The following MANSC1 variants were observed in gnomAD, a reference collection of about 807,000 sequenced individuals.
MANSC1 encodes the protein MANSC domain-containing protein 1.
MANSC1 carries 13 observed loss-of-function variants against 14.1 expected under a neutral mutation model. That is an observed-to-expected ratio of 0.92 (90% CI 0.60 to 1.46). MANSC1 has a LOEUF of 1.46. Ranked by LOEUF, MANSC1 falls within the 40% of genes most tolerant of loss-of-function variation. The pLI, the probability that MANSC1 is intolerant of heterozygous loss-of-function variation, is 0.00. For synonymous variants in MANSC1, 227 were observed against 200.7 expected (o/e 1.13, Z -1.11); for missense variants, 486 against 511.4 (o/e 0.95, Z 0.48).
In MANSC1 at chr12:12,332,873, A is replaced by G. The variant is rs896617898; in HGVS notation, c.365-1915T>C. Among the ~76,000 whole-genome samples the G allele has an allele frequency of 4.6e-5, 7 of 152,186 alleles. No homozygotes were observed. In the South Asian group the frequency reaches 6.2e-4, roughly 14 times the overall value. On this transcript the variant is annotated intron_variant, in intron 3 of 3. Coordinates refer to ENST00000535902, the MANE Select transcript of MANSC1 (RefSeq NM_018050.4). ...AAAATAATCAAAAGAAAATTGTGTG[A>G]CACAGGAAAGGTATACAAAATTCAA...
intron 3 of MANSC1, among the ~76,000 whole-genome samples, chr12:12,333,589 C>T (rs1862820465): frequency 2.0e-5 from 3 of 152,210 alleles, no homozygotes; most frequent in Non-Finnish European, 4.4e-5. Context: ...CCATTCGCCT[C>T]ACCCACTCAT....
intron 1 of MANSC1, among the ~76,000 whole-genome samples, chr12:12,347,750 C>T (rs1863027171): frequency 1.3e-5 from 2 of 152,186 alleles, no homozygotes; most frequent in African/African-American, 4.8e-5. Flanking sequence ...ATACCAAATA[C>T]AAGGACATGG....
chr12:12,336,012 A>G (rs61922042), intron 3 of MANSC1, among the ~76,000 whole-genome samples: 32,394 of 151,916 alleles, frequency 0.21, 3,643 homozygotes, highest in East Asian at 0.3. Flanking sequence ...GTGAAACCCT[A>G]TCTCTACTAA....
At chr12:12,345,462 A>AGTCT (rs1312862460) in intron 1 of MANSC1, among the ~76,000 whole-genome samples, 1 of 152,154 alleles carries the variant, frequency 6.6e-6, no homozygotes, top group African/African-American at 2.4e-5. Flanking sequence ...TTAGCCAGTC[A>AGTCT]GCAGGAGGAA....
chr12:12,337,190 T>C (rs543664147), intron 3 of MANSC1, among the ~76,000 whole-genome samples: 20 of 151,874 alleles, frequency 1.3e-4, no homozygotes, highest in African/African-American at 4.4e-4. Flanking sequence ...GGCATGAGAA[T>C]TGCTTGAAGC....
rs1565799598 is a variant in MANSC1, at chr12:12,338,498, A to G, written c.286T>C (p.Tyr96His). The change falls in exon 3 of 4, where the codon TAC becomes CAC. Residue 96 changes from tyrosine (Y) to histidine (H), a missense_variant. Coordinates refer to ENST00000535902, the MANE Select transcript of MANSC1 (RefSeq NM_018050.4). ...TRKTARQPNC[Y>H]LFFCPNEEAC... ...TCCTCGTTGGGACAGAAAAATAGGT[A>G]GCAGTTGGGTTGTCTAGCTGTTTTT... is the stretch of plus-strand genomic sequence containing the variant. The G allele has an allele frequency of 6.2e-7, 1 of 1,613,748 alleles. No homozygotes were observed. The highest frequency in any genetic ancestry group is 8.5e-7 in the Non-Finnish European group (1 of 1,179,854).
Position 12,329,507 on chromosome 12 carries a change from T to C in MANSC1, c.*520A>G, listed in dbSNP as rs1862752226. ...ATACTTTATTACTTTACATAGAGCTTTGTTTTTAGCTAATATTTTAGAGAC... is the reference window on the plus strand; with the variant it reads ...ATACTTTATTACTTTACATAGAGCTCTGTTTTTAGCTAATATTTTAGAGAC... On this transcript the variant is annotated 3_prime_UTR_variant, in exon 4 of 4. Coordinates refer to ENST00000535902, the MANE Select transcript of MANSC1 (RefSeq NM_018050.4). The C allele has an allele frequency of 6.5e-6, 1 of 153,068 alleles. No homozygotes were observed. Among genetic ancestry groups the C allele is most frequent in the Non-Finnish European group, 1.5e-5 (1 of 68,680 alleles). The allele number at this position is 153,068 out of a possible 1,614,324, so 9.5% of individuals were successfully genotyped here.
intron 2 of MANSC1, among the ~76,000 whole-genome samples, chr12:12,339,512 C>A (rs1386941510): frequency 6.6e-6 from 1 of 152,030 alleles, no homozygotes; most frequent in Non-Finnish European, 1.5e-5. Flanking sequence ...AAGCTGTTTG[C>A]CCTAGTTGGC....
intron 3 of MANSC1, among the ~76,000 whole-genome samples, chr12:12,334,811 C>G (rs547991374): frequency 1.3e-5 from 2 of 152,282 alleles, no homozygotes; most frequent in South Asian, 4.1e-4. Context: ...CAATTATTTA[C>G]ACAATACTCT....
At position 12,330,512 on chromosome 12, in the gene MANSC1, C is replaced by T; in HGVS notation, c.811G>A (p.Val271Ile). The T allele has an allele frequency of 6.2e-7, 1 of 1,614,118 alleles. No homozygotes were observed. The highest frequency in any genetic ancestry group is 8.5e-7 in the Non-Finnish European group (1 of 1,180,032). ...QPQLATTAPPVTTVTSQPPTT... is the reference protein window; with the variant it reads ...QPQLATTAPPITTVTSQPPTT... Reference sequence around the variant, plus strand: ...GGAGGCTGAGAAGTGACAGTGGTTACAGGTGGAGCTGTGGTGGCCAGCTGT... The same window carrying T: ...GGAGGCTGAGAAGTGACAGTGGTTATAGGTGGAGCTGTGGTGGCCAGCTGT... The change falls in exon 4 of 4, where the codon GTA becomes ATA. Residue 271 changes from valine to isoleucine, a missense_variant. Transcript: ENST00000535902.
intron 1 of MANSC1, among the ~76,000 whole-genome samples, chr12:12,344,001 G>A (rs56829405): frequency 0.098 from 14,812 of 151,736 alleles, 749 homozygotes; most frequent in Non-Finnish European, 0.12. Context: ...TGGTCCCAGC[G>A]ACTTGGGAGG....
In MANSC1 at chr12:12,326,098, G is replaced by A. The variant is rs1485570398; in HGVS notation, c.*3929C>T. 1 of 152,150 alleles carries A rather than the reference G, an allele frequency of 6.6e-6. No individual in the cohort carries two copies. Among genetic ancestry groups the A allele is most frequent in the African/African-American group, 2.4e-5 (1 of 41,440 alleles). The allele number at this position is 152,150 out of a possible 1,614,324, so 9.4% of individuals were successfully genotyped here. A position where few individuals can be genotyped will look rare whatever the true frequency, so the allele number is the denominator to read the frequency against. ...TTAGAGATTTATTATTACAGAACAA[G>A]ATGGAAGTTGGCAGTTCCAGGGTTT... On this transcript the variant is annotated 3_prime_UTR_variant, in exon 4 of 4. Transcript: ENST00000535902.
chr12:12,334,859 T>G (rs566581278), intron 3 of MANSC1, among the ~76,000 whole-genome samples: 19 of 152,286 alleles, frequency 1.2e-4, no homozygotes, highest in African/African-American at 4.3e-4. Flanking sequence ...GTTTGACCCA[T>G]CAGGCTTCCC....
rs1862695695 is a variant in MANSC1 at position 12,326,106 on chromosome 12, T to C, written c.*3921A>G. The C allele has an allele frequency of 2.0e-5, 3 of 152,132 alleles. No individual in the cohort carries two copies. In the South Asian group the frequency reaches 6.2e-4, roughly 31 times the overall value. 9.4% of individuals were successfully genotyped at this position (152,132 alleles called of 1,614,324 possible). A position where few individuals can be genotyped will look rare whatever the true frequency, so the allele number is the denominator to read the frequency against. On this transcript the variant is annotated 3_prime_UTR_variant, in exon 4 of 4. Transcript: ENST00000535902. ...TTATTATTACAGAACAAGATGGAAG[T>C]TGGCAGTTCCAGGGTTTGTCCTGTC...
In MANSC1 at chr12:12,330,875, C is replaced by G; in HGVS notation, c.448G>C (p.Val150Leu). The change falls in exon 4 of 4, where the codon GTC becomes CTC. Residue 150 changes from valine (V) to leucine (L), a missense_variant. Val to Leu is a conservative substitution (Grantham distance 32). Coordinates refer to ENST00000535902, the MANE Select transcript of MANSC1 (RefSeq NM_018050.4). ...SLLHGQFSQA[V>L]TPLAHHHTDY... ...GTGTGATGATGGGCTAGGGGAGTGA[C>G]TGCTTGTGAAAATTGGCCATGTAAG... is the stretch of plus-strand genomic sequence containing the variant. 1 of 1,613,786 alleles carries G rather than the reference C, an allele frequency of 6.2e-7. No individual in the cohort carries two copies. The highest frequency in any genetic ancestry group is 1.3e-5 in the African/African-American group (1 of 75,014).
chr12:12,349,475 G>T (rs917412477), intron 1 of MANSC1, among the ~76,000 whole-genome samples: 17 of 152,162 alleles, frequency 1.1e-4, no homozygotes, highest in Admixed American at 6.5e-4. Flanking sequence ...GGTTAGCGAC[G>T]TTTTCTAATC....
Position 12,343,331 on chromosome 12 carries a change from G to C in MANSC1, c.-17C>G, listed in dbSNP as rs781632400. 2 of 1,595,288 alleles carry C rather than the reference G, an allele frequency of 1.3e-6. No homozygotes were observed. The highest frequency in any genetic ancestry group is 2.7e-5 in the African/African-American group (2 of 74,544). ...GAAGAACATTTTAAATTTCAGTTTA[G>C]TTTTGGTCTTCAAAGGTCAAGGATA... On this transcript the variant is annotated 5_prime_UTR_variant, in exon 2 of 4. Coordinates refer to ENST00000535902, the MANE Select transcript of MANSC1 (RefSeq NM_018050.4).
At chr12:12,346,257 C>G (rs1034884664) in intron 1 of MANSC1, among the ~76,000 whole-genome samples, 2 of 150,758 alleles carry the variant, frequency 1.3e-5, no homozygotes, top group South Asian at 2.1e-4. Context: ...GGCGACAGAG[C>G]GAGACTCCGT....
At chr12:12,340,286 G>A (rs1182168479) in intron 2 of MANSC1, among the ~76,000 whole-genome samples, 1 of 152,122 alleles carries the variant, frequency 6.6e-6, no homozygotes, top group Non-Finnish European at 1.5e-5. Context: ...AAAAACATAC[G>A]CTCTGTCGAC....
Sources: allele counts gnomAD v4.1 joint callset (sites outside exome capture counted in the v4.1 genomes callset), GRCh38; gene constraint gnomAD v4.1.1; transcripts MANE v1.5; gene names NCBI Gene and HGNC (gene_info 2026-07-23, HGNC 2026-07-21).